Variants in ANKFN1 observed in about 807,000 individuals in gnomAD.
ANKFN1 encodes the protein ankyrin repeat and fibronectin type III domain containing 1, also known as ankyrin repeat and fibronectin type-III domain-containing protein 1.
ANKFN1 carries 74 observed loss-of-function variants against 108.7 expected under a neutral mutation model. The observed-to-expected ratio is 0.68, with a 90% CI of 0.56 to 0.83. The LOEUF (loss-of-function observed/expected upper bound fraction) is 0.83, where lower values mean the gene tolerates loss of function less well. Ranked by LOEUF, ANKFN1 falls within the 40% of genes least tolerant of loss-of-function variation. The pLI is 0.00. For synonymous variants in ANKFN1, 547 were observed against 516.2 expected (o/e 1.06, Z -0.81); for missense variants, 1,505 against 1,382.3 (o/e 1.09, Z -1.41).
At chr17:56,407,931 C>CTTTTTTTTTTTTTTTT (rs761975892) in intron 8 of ANKFN1, among the ~76,000 whole-genome samples, 1 of 104,644 alleles carries the variant, frequency 9.6e-6, no homozygotes, top group Non-Finnish European at 1.9e-5. Context: ...TCTTTTTTAT[C>CTTTTTTTTTTTTTTTT]TTTTTTTTTT....
chr17:56,187,894 G>A lies in ANKFN1; in HGVS notation c.-70-24704G>A, dbSNP rs558766188. Among the ~76,000 whole-genome samples the A allele has an allele frequency of 4.8e-4, 72 of 150,412 alleles. 1 individual carries two copies. The Middle Eastern group carries it at 0.01, about 21-fold the overall frequency. On this transcript the variant is annotated intron_variant, in intron 1 of 20. Coordinates refer to ENST00000682825, the MANE Select transcript of ANKFN1 (RefSeq NM_001370326.1). Reference sequence around the variant, plus strand: ...GGGAATTGAACAATGAGAACACTTGGACACAGGTTGGGGAACATGACACAC... The same window carrying A: ...GGGAATTGAACAATGAGAACACTTGAACACAGGTTGGGGAACATGACACAC...
At chr17:56,065,539 A>G (rs1196191513) in intron 4 of ANKFN1, among the ~76,000 whole-genome samples, 3 of 152,164 alleles carry the variant, frequency 2.0e-5, no homozygotes, top group Non-Finnish European at 4.4e-5. Context: ...TTTTGATTTA[A>G]AGTGAGAAAA....
chr17:56,097,374 A>G (rs907350994), intron 4 of ANKFN1, among the ~76,000 whole-genome samples: 1 of 152,180 alleles, frequency 6.6e-6, no homozygotes, highest in Non-Finnish European at 1.5e-5. Flanking sequence ...CCTGCCTTAG[A>G]TTCCAACTTG....
chr17:56,485,698 A>T (rs1221091908), intron 18 of ANKFN1, among the ~76,000 whole-genome samples: 1 of 152,224 alleles, frequency 6.6e-6, no homozygotes, highest in African/African-American at 2.4e-5. Flanking sequence ...GCATTTTCCA[A>T]ATTCATTTGA....
chr17:56,503,636 G>C (rs1013208195), intron 20 of ANKFN1, among the ~76,000 whole-genome samples: 2 of 150,826 alleles, frequency 1.3e-5, no homozygotes, highest in Non-Finnish European at 2.9e-5. Context: ...AAAAGCAATA[G>C]CTTTAAGTCA....
At chr17:56,345,260 T>C (rs2046066420) in intron 4 of ANKFN1, among the ~76,000 whole-genome samples, 1 of 152,190 alleles carries the variant, frequency 6.6e-6, no homozygotes, top group African/African-American at 2.4e-5. Context: ...CCATGGTGTA[T>C]ATGTGCCACA....
At chr17:56,138,700 G>A (rs1907740563) in intron 4 of ANKFN1, among the ~76,000 whole-genome samples, 1 of 151,792 alleles carries the variant, frequency 6.6e-6, no homozygotes, top group African/African-American at 2.4e-5. Context: ...TGTTAGAGAC[G>A]GGGTTTCATC....
chr17:56,270,980 A>G (rs531321137), intron 3 of ANKFN1, among the ~76,000 whole-genome samples: 1 of 152,060 alleles, frequency 6.6e-6, no homozygotes, highest in South Asian at 2.1e-4. Flanking sequence ...AAATTATTTT[A>G]ATTGTGCCAT....
chr17:56,175,373 A>G (rs1027467685), intron 1 of ANKFN1, among the ~76,000 whole-genome samples: 1 of 152,238 alleles, frequency 6.6e-6, no homozygotes, highest in Non-Finnish European at 1.5e-5. Flanking sequence ...ACACCTAGAT[A>G]TAACTGGTTG....
At chr17:56,448,289 C>T (rs28583721) in intron 10 of ANKFN1, among the ~76,000 whole-genome samples, 3 of 148,894 alleles carry the variant, frequency 2.0e-5, no homozygotes, top group Admixed American at 6.6e-5. Context: ...AAAAAAAAAA[C>T]AAAAAAACAA....
chr17:56,285,954 C>T (rs2144274214), intron 3 of ANKFN1, among the ~76,000 whole-genome samples: 1 of 152,236 alleles, frequency 6.6e-6, no homozygotes, highest in South Asian at 2.1e-4. Flanking sequence ...CCATCTATAC[C>T]TGTTGTCCCA....
At chr17:56,474,909 A>AT (rs1479115380) in intron 15 of ANKFN1, among the ~76,000 whole-genome samples, 2 of 151,976 alleles carry the variant, frequency 1.3e-5, no homozygotes, top group Non-Finnish European at 2.9e-5. Flanking sequence ...ATGAGATCAA[A>AT]TTTTTTTTCT....
intron 3 of ANKFN1, among the ~76,000 whole-genome samples, chr17:56,290,542 C>T (rs1424996379): frequency 1.3e-5 from 2 of 152,130 alleles, no homozygotes; most frequent in Non-Finnish European, 2.9e-5. Flanking sequence ...TAATGTTAAA[C>T]TGGCACATTT....
intron 6 of ANKFN1, chr17:56,368,276 C>CCTTTTTTTTTTTTTTTTT (rs2046713390): frequency 1.5e-5 from 1 of 65,416 alleles, no homozygotes; most frequent in Admixed American, 3.7e-4. Context: ...TGAAAATGAA[C>CCTTTTTTTTTTTTTTTTT]TTTTTTTTTT....
intron 1 of ANKFN1, among the ~76,000 whole-genome samples, chr17:56,158,647 A>G (rs897740492): frequency 1.3e-5 from 2 of 152,184 alleles, no homozygotes; most frequent in African/African-American, 4.8e-5. Flanking sequence ...AAGACAGACA[A>G]CAACACAGCA....
At chr17:56,247,756 CTTAAGA>C (rs1302588484) in intron 3 of ANKFN1, among the ~76,000 whole-genome samples, 2 of 152,184 alleles carry the variant, frequency 1.3e-5, no homozygotes, top group South Asian at 2.1e-4. Flanking sequence ...TTGCCTCCTT[CTTAAGA>C]TTGTCTATTA....
chr17:56,447,889 G>T (rs1218413664), intron 10 of ANKFN1, among the ~76,000 whole-genome samples: 1 of 152,188 alleles, frequency 6.6e-6, no homozygotes, highest in African/African-American at 2.4e-5. Context: ...GTAGGAGTCA[G>T]GATTCACACC....
intron 3 of ANKFN1, among the ~76,000 whole-genome samples, chr17:56,295,352 G>A (rs943468599): frequency 3.3e-5 from 5 of 152,114 alleles, no homozygotes; most frequent in Admixed American, 2.0e-4. Flanking sequence ...TCAAGCCTTG[G>A]TATATCCTCT....
rs537922595 is a variant in ANKFN1 at position 56,376,274 on chromosome 17, C to T, written c.910+1560C>T. 7.9e-5 allele frequency among the ~76,000 whole-genome samples: 12 copies of T among 152,260 alleles called. No individual in the cohort carries two copies. In the South Asian group the frequency reaches 2.1e-3, roughly 26 times the overall value. On this transcript the variant is annotated intron_variant, in intron 8 of 20. Transcript: ENST00000682825. Reference sequence around the variant, plus strand: ...TGGGTACTTAGAATTTTCCAGATAACGCCACTGTGTTTGTAATACCTTAGA... The same window carrying T: ...TGGGTACTTAGAATTTTCCAGATAATGCCACTGTGTTTGTAATACCTTAGA...
Sources: allele counts gnomAD v4.1 joint callset (sites outside exome capture counted in the v4.1 genomes callset), GRCh38; gene constraint gnomAD v4.1.1; transcripts MANE v1.5; gene names NCBI Gene and HGNC (gene_info 2026-07-23, HGNC 2026-07-21).